Variants in ADAMTS16 observed in about 807,000 individuals in gnomAD.
ADAMTS16 encodes ADAM metallopeptidase with thrombospondin type 1 motif 16.
ADAMTS16 carries 94 observed loss-of-function variants against 145.8 expected under a neutral mutation model. The ratio of observed to expected loss-of-function variants is 0.64; its 90% CI spans 0.55 to 0.77. ADAMTS16 has a LOEUF of 0.77. ADAMTS16 is among the 30% of genes least tolerant of loss of function. The pLI is 0.00. For missense variants in ADAMTS16, 1,585 were observed against 1,591.5 expected (o/e 1.00, Z 0.07); for synonymous variants, 659 against 604.3 (o/e 1.09, Z -1.33).
chr5:5,263,353 T>G (rs1156849345), intron 18 of ADAMTS16, among the ~76,000 whole-genome samples: 4 of 152,232 alleles, frequency 2.6e-5, no homozygotes, highest in Admixed American at 1.3e-4. Context: ...GAGGCAGCCA[T>G]GGTCCTGCTG....
intron 21 of ADAMTS16, among the ~76,000 whole-genome samples, chr5:5,313,143 C>G (rs753885669): frequency 3.3e-5 from 5 of 152,218 alleles, no homozygotes; most frequent in Non-Finnish European, 7.3e-5. Context: ...AAGTCTTTAT[C>G]CACCATGATT....
At chr5:5,225,871 T>C (rs1380017406) in intron 11 of ADAMTS16, among the ~76,000 whole-genome samples, 5 of 152,118 alleles carry the variant, frequency 3.3e-5, no homozygotes, top group Non-Finnish European at 5.9e-5. Flanking sequence ...TTAATTCACA[T>C]GGTCATGGTG....
Position 5,220,006 on chromosome 5 carries a change from T to C in ADAMTS16, c.1606-2783T>C, listed in dbSNP as rs150285116. On this transcript the variant is annotated intron_variant, in intron 10 of 22. Coordinates refer to ENST00000274181, the MANE Select transcript of ADAMTS16 (RefSeq NM_139056.4). ...CACGATTTCCTGATTCTTGCTAATG[T>C]TATTGTACGTAAAGCTTTCCTGGTC... 4.1e-4 allele frequency among the ~76,000 whole-genome samples: 63 copies of C among 152,278 alleles called. 1 individual carries two copies. The highest frequency in any genetic ancestry group is 1.2e-3 in the African/African-American group (50 of 41,552).
chr5:5,154,443 T>C (rs557496953), intron 3 of ADAMTS16, among the ~76,000 whole-genome samples: 24 of 152,332 alleles, frequency 1.6e-4, no homozygotes, highest in Admixed American at 4.6e-4. Context: ...TATATTTCAT[T>C]AGATCAAATA....
intron 10 of ADAMTS16, among the ~76,000 whole-genome samples, chr5:5,221,944 T>G (rs1053979901): frequency 3.3e-5 from 5 of 152,220 alleles, no homozygotes; most frequent in African/African-American, 1.2e-4. Flanking sequence ...CAGCACTTGT[T>G]TAAATGTTCT....
rs1737311121 is a variant in ADAMTS16, at chr5:5,242,165, C to T, written c.2636C>T (p.Ser879Phe). 4.3e-6 allele frequency: 7 copies of T among 1,614,044 alleles called. No homozygotes were observed. The highest frequency in any genetic ancestry group is 5.9e-6 in the Non-Finnish European group (7 of 1,180,044). ...AGCTACACTTGGGCCATCGTGCGCT[C>T]TGAGTGCTCCGTGTCCTGCGGAGGG... ...QPSYTWAIVRSECSVSCGGGQ... is the reference protein window; with the variant it reads ...QPSYTWAIVRFECSVSCGGGQ... Residue 879 changes from serine to phenylalanine, a missense_variant, in exon 17 of 23, where the codon TCT becomes TTT. Physicochemically the swap from Ser to Phe is radical, Grantham distance 155. Transcript: ENST00000274181.
At position 5,250,813 on chromosome 5, in the gene ADAMTS16, G is replaced by A. The variant is rs150125964; in HGVS notation, c.2662+8622G>A. On this transcript the variant is annotated intron_variant, in intron 17 of 22. Transcript: ENST00000274181. ...GGTCTCTCCAGTTTGATATTCTGTG[G>A]TCTATGTCAGTCAACAATATATAAG... Among the ~76,000 whole-genome samples, 62 of 151,954 alleles carry A rather than the reference G, an allele frequency of 4.1e-4. No homozygotes were observed. In the South Asian group the frequency reaches 7.3e-3, roughly 18 times the overall value.
At chr5:5,165,753 G>A (rs1468391074) in intron 3 of ADAMTS16, among the ~76,000 whole-genome samples, 2 of 152,176 alleles carry the variant, frequency 1.3e-5, no homozygotes, top group Non-Finnish European at 2.9e-5. Context: ...GGAGCCATGG[G>A]GCCGCACACT....
In ADAMTS16 at chr5:5,208,972, C is replaced by A. The variant is rs2126314534; in HGVS notation, c.1452-121C>A. The A allele has an allele frequency of 2.8e-6, 3 of 1,071,976 alleles. No homozygotes were observed. In the South Asian group the frequency reaches 6.5e-5, roughly 23 times the overall value. 66.4% of individuals were successfully genotyped at this position (1,071,976 alleles called of 1,614,324 possible). A position where few individuals can be genotyped will look rare whatever the true frequency, so the allele number is the denominator to read the frequency against. On this transcript the variant is annotated intron_variant, in intron 9 of 22. Coordinates refer to ENST00000274181, the MANE Select transcript of ADAMTS16 (RefSeq NM_139056.4). ...ATTGTAACTCAGGAGAAAAAAAGTT[C>A]TCCTCTTTGTATACACAATATATGT...
chr5:5,182,119 A>C lies in ADAMTS16; in HGVS notation c.577A>C (p.Arg193=), dbSNP rs751218188. Residue 193 remains arginine (R), a synonymous_variant, in exon 4 of 23, where the codon AGA becomes CGA. Transcript: ENST00000274181. ...TTCACACCTCTCATGGAAACTCGGC[A>C]GAGCTGCCCAAGGCAGCTCGCCATC... ...LPSHLSWKLG[R]AAQGSSPSHV... 6.2e-7 allele frequency: 1 copy of C among 1,614,058 alleles called. No homozygotes were observed. Among genetic ancestry groups the C allele is most frequent in the Non-Finnish European group, 8.5e-7 (1 of 1,179,990 alleles).
chr5:5,150,279 T>C (rs1002219190), intron 3 of ADAMTS16, among the ~76,000 whole-genome samples: 2 of 152,242 alleles, frequency 1.3e-5, no homozygotes, highest in Non-Finnish European at 2.9e-5. Context: ...GTAGAGATTA[T>C]TGGCTTGTGA....
At chr5:5,291,376 G>A (rs1739309610) in intron 18 of ADAMTS16, among the ~76,000 whole-genome samples, 1 of 152,168 alleles carries the variant, frequency 6.6e-6, no homozygotes, top group Non-Finnish European at 1.5e-5. Context: ...TTTCCCAGGT[G>A]AGGGTTGAGG....
At chr5:5,199,578 C>A (rs1735901613) in intron 8 of ADAMTS16, among the ~76,000 whole-genome samples, 1 of 152,282 alleles carries the variant, frequency 6.6e-6, no homozygotes, top group East Asian at 1.9e-4. Flanking sequence ...TGGAACATCC[C>A]CAGGTAGGGG....
chr5:5,279,270 C>T (rs1738811053), intron 18 of ADAMTS16, among the ~76,000 whole-genome samples: 1 of 152,180 alleles, frequency 6.6e-6, no homozygotes. Flanking sequence ...GGCTTCTCAG[C>T]TAACAAAGAG....
chr5:5,265,268 G>A (rs1198161852), intron 18 of ADAMTS16, among the ~76,000 whole-genome samples: 5 of 152,226 alleles, frequency 3.3e-5, no homozygotes, highest in Non-Finnish European at 5.9e-5. Context: ...GCTGCAATAG[G>A]GAAAAGATTG....
intron 10 of ADAMTS16, among the ~76,000 whole-genome samples, chr5:5,214,206 T>C (rs1208834593): frequency 6.6e-6 from 1 of 152,230 alleles, no homozygotes; most frequent in Non-Finnish European, 1.5e-5. Flanking sequence ...TATAACTTCA[T>C]AGTTTTGTGG....
At chr5:5,167,444 T>C (rs1465003718) in intron 3 of ADAMTS16, among the ~76,000 whole-genome samples, 1 of 152,224 alleles carries the variant, frequency 6.6e-6, no homozygotes, top group Non-Finnish European at 1.5e-5. Context: ...TTTCTCTTTG[T>C]GTCTTTGGAA....
chr5:5,238,116 T>A (rs552553957), intron 14 of ADAMTS16, among the ~76,000 whole-genome samples: 1 of 152,326 alleles, frequency 6.6e-6, no homozygotes, highest in African/African-American at 2.4e-5. Context: ...TCCATTAAGA[T>A]CTCTTTCATT....
Position 5,186,239 on chromosome 5 carries a change from G to C in ADAMTS16, c.951G>C (p.Thr317=), listed in dbSNP as rs376887582. The change falls in exon 5 of 23, where the codon ACG becomes ACC. Residue 317 remains threonine (T), a synonymous_variant. Coordinates refer to ENST00000274181, the MANE Select transcript of ADAMTS16 (RefSeq NM_139056.4). ...GHENITTYVL[T]ILNMVSALFK... The stretch of plus-strand genomic sequence containing the variant: ...AAAATATCACCACCTACGTGCTCAC[G>C]ATACTCAACATGGTAGGATCATCCT... 1.9e-6 allele frequency: 3 copies of C among 1,613,234 alleles called. No homozygotes were observed. The African/African-American group carries it at 4.0e-5, about 22-fold the overall frequency.
Sources: allele counts gnomAD v4.1 joint callset (sites outside exome capture counted in the v4.1 genomes callset), GRCh38; gene constraint gnomAD v4.1.1; transcripts MANE v1.5; gene names NCBI Gene and HGNC (gene_info 2026-07-23, HGNC 2026-07-21).